Variants in MSRA observed in about 807,000 individuals in gnomAD.
The protein encoded by MSRA is mitochondrial peptide methionine sulfoxide reductase.
A neutral mutation model predicts 31.3 loss-of-function variants in MSRA; 54 were observed. That is an observed-to-expected ratio of 1.73 (90% CI 1.39 to 2.17). The LOEUF (loss-of-function observed/expected upper bound fraction) is 2.17, where lower values mean the gene tolerates loss of function less well. Ranked by LOEUF, MSRA falls within the 30% of genes most tolerant of loss-of-function variation. MSRA has a pLI of 0.00. For missense variants in MSRA, 507 were observed against 300.9 expected (o/e 1.69, Z -5.07); for synonymous variants, 169 against 116.5 (o/e 1.45, Z -2.90).
At chr8:10,135,478 A>T (rs1802207448) in intron 1 of MSRA, among the ~76,000 whole-genome samples, 1 of 152,206 alleles carries the variant, frequency 6.6e-6, no homozygotes, top group African/African-American at 2.4e-5. Context: ...CCAACGAGTA[A>T]TATTAATGAC....
At chr8:10,392,662 TC>T (rs1274041215) in intron 5 of MSRA, among the ~76,000 whole-genome samples, 1 of 145,674 alleles carries the variant, frequency 6.9e-6, no homozygotes, top group East Asian at 2.0e-4. Flanking sequence ...CCTGTGACCA[TC>T]ACTTGGCCTC....
chr8:10,252,825 T>A (rs1014231942), intron 3 of MSRA, among the ~76,000 whole-genome samples: 4 of 152,242 alleles, frequency 2.6e-5, no homozygotes, highest in African/African-American at 7.2e-5. Context: ...CCAGTGCTAT[T>A]GAATTCAGAG....
At chr8:10,157,836 C>G (rs1270451203) in intron 1 of MSRA, among the ~76,000 whole-genome samples, 1 of 152,086 alleles carries the variant, frequency 6.6e-6, no homozygotes, top group African/African-American at 2.4e-5. Flanking sequence ...CTCTCTCCAT[C>G]CCTCTATCTT....
At chr8:10,096,039 A>G in intron 1 of MSRA, 1 of 1,445,806 alleles carries the variant, frequency 6.9e-7, no homozygotes, top group Admixed American at 2.5e-5. Flanking sequence ...GAATGTGTTC[A>G]GAACGTAAGT....
chr8:10,296,366 A>G (rs553082103), intron 3 of MSRA, among the ~76,000 whole-genome samples: 1 of 152,168 alleles, frequency 6.6e-6, no homozygotes, highest in Non-Finnish European at 1.5e-5. Flanking sequence ...AACAATAGAA[A>G]CCTCGTGTTT....
chr8:10,143,787 C>T (rs770115598), intron 1 of MSRA, among the ~76,000 whole-genome samples: 1 of 152,214 alleles, frequency 6.6e-6, no homozygotes. Flanking sequence ...AAACCTGACT[C>T]TTCAGATACA....
chr8:10,343,133 A>G (rs1344309805), intron 5 of MSRA, among the ~76,000 whole-genome samples: 1 of 151,964 alleles, frequency 6.6e-6, no homozygotes. Flanking sequence ...AGCAGTCACT[A>G]CTTCTAGAAA....
In MSRA at chr8:10,282,045, T is replaced by TC. The variant is rs570492622; in HGVS notation, c.332-19483dup. Among the ~76,000 whole-genome samples the TC allele has an allele frequency of 2.2e-4, 33 of 152,132 alleles. 1 individual carries two copies. In the East Asian group the frequency reaches 5.8e-3, roughly 27 times the overall value. ...GAACAGGGTGGGTTCTTCCAGACTC[T>TC]CCCCCCACGTACAATAGTGTGTGGA... On this transcript the variant is annotated intron_variant, in intron 3 of 5. Coordinates refer to ENST00000317173, the MANE Select transcript of MSRA (RefSeq NM_012331.5).
chr8:10,228,160 A>G (rs887171311), intron 2 of MSRA, among the ~76,000 whole-genome samples: 36 of 152,264 alleles, frequency 2.4e-4, no homozygotes, highest in Middle Eastern at 3.4e-3. Context: ...TGAGCTCAGG[A>G]TATTTCTGGT....
intron 1 of MSRA, among the ~76,000 whole-genome samples, chr8:10,055,716 AGAAG>A (rs1802321828): frequency 6.6e-6 from 1 of 152,250 alleles, no homozygotes; most frequent in Non-Finnish European, 1.5e-5. Context: ...AAATTTCCTT[AGAAG>A]TTTCTTTTTC....
In MSRA at chr8:10,413,234, G is replaced by A. The variant is rs376486137; in HGVS notation, c.544-14914G>A. ...TCCCTGAAGCTTCCTGTGCTCTAGC[G>A]CACACACAGCCCTCAGCAAAGGTAG... On this transcript the variant is annotated intron_variant, in intron 5 of 5. Transcript: ENST00000317173. Among the ~76,000 whole-genome samples, 17 of 152,278 alleles carry A rather than the reference G, an allele frequency of 1.1e-4. No individual in the cohort carries two copies. The East Asian group carries it at 2.1e-3, about 19-fold the overall frequency.
intron 2 of MSRA, among the ~76,000 whole-genome samples, chr8:10,225,281 C>T (rs1003018370): frequency 1.3e-5 from 2 of 152,234 alleles, no homozygotes; most frequent in South Asian, 4.1e-4. Flanking sequence ...CTGTGACTTT[C>T]CTCAGTCCTT....
chr8:10,146,814 C>T (rs1029919797), intron 1 of MSRA, among the ~76,000 whole-genome samples: 2 of 152,134 alleles, frequency 1.3e-5, no homozygotes, highest in African/African-American at 4.8e-5. Flanking sequence ...CTGGACATAG[C>T]GTTCAGCTGG....
intron 1 of MSRA, among the ~76,000 whole-genome samples, chr8:10,173,616 GC>G (rs1479096583): frequency 6.6e-6 from 1 of 152,126 alleles, no homozygotes; most frequent in Non-Finnish European, 1.5e-5. Flanking sequence ...CACTCCTTGG[GC>G]CCCATGCCCA....
At chr8:10,416,543 C>A (rs903702228) in intron 5 of MSRA, among the ~76,000 whole-genome samples, 3 of 152,202 alleles carry the variant, frequency 2.0e-5, no homozygotes, top group African/African-American at 7.2e-5. Flanking sequence ...CAAGTAGGGA[C>A]GCTTCCGCTA....
chr8:10,256,003 G>A (rs1221770276), intron 3 of MSRA, among the ~76,000 whole-genome samples: 1 of 152,036 alleles, frequency 6.6e-6, no homozygotes, highest in Non-Finnish European at 1.5e-5. Context: ...GTCCTCAGCA[G>A]CCATAGTTTG....
chr8:10,080,692 ATTT>A (rs11296564), intron 1 of MSRA, among the ~76,000 whole-genome samples: 33 of 136,402 alleles, frequency 2.4e-4, no homozygotes, highest in Admixed American at 2.9e-4. Flanking sequence ...TGCCTGGCTA[ATTT>A]TTTTTTTTTT....
chr8:10,134,544 G>T (rs1444768639), intron 1 of MSRA, among the ~76,000 whole-genome samples: 1 of 152,242 alleles, frequency 6.6e-6, no homozygotes, highest in African/African-American at 2.4e-5. Flanking sequence ...TGCTCCTGCT[G>T]CAGGACCCTT....
chr8:10,329,281 G>C (rs888260450), intron 5 of MSRA, among the ~76,000 whole-genome samples: 3 of 152,200 alleles, frequency 2.0e-5, no homozygotes, highest in Non-Finnish European at 4.4e-5. Context: ...CAGGGTACTA[G>C]CTGGGCTCTG....
Sources: allele counts gnomAD v4.1 joint callset (sites outside exome capture counted in the v4.1 genomes callset), GRCh38; gene constraint gnomAD v4.1.1; transcripts MANE v1.5; gene names NCBI Gene and HGNC (gene_info 2026-07-23, HGNC 2026-07-21).